The following SUGCT variants were observed in gnomAD, a reference collection of about 807,000 sequenced individuals.
SUGCT encodes the protein succinyl-CoA:glutarate-CoA transferase, also known as succinyl-CoA:glutarate CoA-transferase.
SUGCT carries 41 observed loss-of-function variants against 55.0 expected under a neutral mutation model. That is an observed-to-expected ratio of 0.74 (90% CI 0.58 to 0.97). The LOEUF (loss-of-function observed/expected upper bound fraction) is 0.97. Ranked by LOEUF, SUGCT falls within the 50% of genes least tolerant of loss-of-function variation. The pLI is 0.00. For synonymous variants in SUGCT, 187 were observed against 200.4 expected (o/e 0.93, Z 0.56); for missense variants, 568 against 547.8 (o/e 1.04, Z -0.37).
At chr7:40,285,448 A>T (rs972846586) in intron 8 of SUGCT, among the ~76,000 whole-genome samples, 3 of 150,022 alleles carry the variant, frequency 2.0e-5, no homozygotes, top group African/African-American at 7.4e-5. Flanking sequence ...AGGGAATTTT[A>T]AATTTTATTT....
chr7:40,697,450 C>T (rs1472741766), intron 12 of SUGCT, among the ~76,000 whole-genome samples: 2 of 152,026 alleles, frequency 1.3e-5, no homozygotes, highest in African/African-American at 4.8e-5. Context: ...GCCTGGCCAA[C>T]GTGGTGAAAC....
intron 9 of SUGCT, among the ~76,000 whole-genome samples, chr7:40,376,133 A>AT (rs1784529686): frequency 6.6e-6 from 1 of 152,172 alleles, no homozygotes; most frequent in Non-Finnish European, 1.5e-5. Context: ...GGATTAGTAT[A>AT]TTTTGGATGT....
chr7:40,749,884 A>C (rs993107857), intron 13 of SUGCT, among the ~76,000 whole-genome samples: 1 of 152,196 alleles, frequency 6.6e-6, no homozygotes, highest in Non-Finnish European at 1.5e-5. Flanking sequence ...ATGTAACTGG[A>C]GTCCGAGGAA....
At chr7:40,269,403 A>G (rs1408984119) in intron 7 of SUGCT, among the ~76,000 whole-genome samples, 2 of 152,070 alleles carry the variant, frequency 1.3e-5, no homozygotes, top group Non-Finnish European at 2.9e-5. Context: ...GCTCACTGCA[A>G]CATCCACCTC....
chr7:40,194,612 A>G (rs1263480676), intron 5 of SUGCT, among the ~76,000 whole-genome samples: 5 of 152,234 alleles, frequency 3.3e-5, no homozygotes, highest in Admixed American at 3.3e-4. Context: ...TCATTGATTT[A>G]GTGTACTTAC....
intron 12 of SUGCT, among the ~76,000 whole-genome samples, chr7:40,503,258 CAATTATTCCCAGATT>C (rs1399042021): frequency 6.6e-6 from 1 of 152,076 alleles, no homozygotes; most frequent in Non-Finnish European, 1.5e-5. Context: ...GTTAAGGTAT[CAATTATTCCCAGATT>C]ACTTATCGCT....
intron 13 of SUGCT, among the ~76,000 whole-genome samples, chr7:40,856,933 T>C (rs1439643042): frequency 1.3e-5 from 2 of 152,236 alleles, no homozygotes; most frequent in Admixed American, 6.5e-5. Context: ...TATTTTTACA[T>C]ACATTTCTTA....
intron 9 of SUGCT, among the ~76,000 whole-genome samples, chr7:40,355,934 T>G (rs1032026532): frequency 8.5e-5 from 13 of 152,272 alleles, no homozygotes; most frequent in African/African-American, 2.7e-4. Context: ...CTAGAATTTA[T>G]TAGACTTTTC....
intron 7 of SUGCT, among the ~76,000 whole-genome samples, chr7:40,268,120 T>C (rs1042982520): frequency 3.9e-5 from 6 of 152,258 alleles, no homozygotes; most frequent in African/African-American, 1.2e-4. Context: ...ATTCATATAC[T>C]GTACAACTCA....
At chr7:41,016,255 C>T in the SUGCT span, among the ~76,000 whole-genome samples, 10 of 152,096 alleles carry the variant, frequency 6.6e-5, no homozygotes, top group African/African-American at 1.7e-4. Context: ...TTTATTTTTA[C>T]GTTTGGTAAG....
At chr7:40,997,725 C>T in the SUGCT span, among the ~76,000 whole-genome samples, 1 of 152,322 alleles carries the variant, frequency 6.6e-6, no homozygotes, top group African/African-American at 2.4e-5. Flanking sequence ...CATCTCCTTC[C>T]TAAGCTCTCA....
chr7:40,342,704 G>A (rs547768894), intron 9 of SUGCT, among the ~76,000 whole-genome samples: 35 of 151,408 alleles, frequency 2.3e-4, no homozygotes, highest in Non-Finnish European at 4.0e-4. Flanking sequence ...GTGCAGTGGC[G>A]TGATCTTGAC....
chr7:40,536,161 C>T (rs1032954721), intron 12 of SUGCT, among the ~76,000 whole-genome samples: 2 of 152,072 alleles, frequency 1.3e-5, no homozygotes, highest in Non-Finnish European at 2.9e-5. Context: ...TGTGCAGAAG[C>T]TTTTTAGTTT....
At chr7:40,700,842 G>A (rs1325982470) in intron 12 of SUGCT, among the ~76,000 whole-genome samples, 1 of 152,074 alleles carries the variant, frequency 6.6e-6, no homozygotes, top group African/African-American at 2.4e-5. Flanking sequence ...CTATATTGTG[G>A]GAGTAAGAGG....
chr7:40,414,696 C>G (rs375184735), intron 9 of SUGCT, among the ~76,000 whole-genome samples: 111 of 152,148 alleles, frequency 7.3e-4, no homozygotes, highest in African/African-American at 2.6e-3. Context: ...CACTTGAGAT[C>G]AGGAGTTCGA....
intron 12 of SUGCT, among the ~76,000 whole-genome samples, chr7:40,736,097 C>T (rs1787138734): frequency 6.6e-6 from 1 of 151,306 alleles, no homozygotes; most frequent in African/African-American, 2.4e-5. Context: ...GAGACACACA[C>T]ACACATAGGA....
intron 13 of SUGCT, among the ~76,000 whole-genome samples, chr7:40,768,807 C>T (rs1788939114): frequency 1.3e-5 from 2 of 152,216 alleles, no homozygotes; most frequent in Non-Finnish European, 2.9e-5. Flanking sequence ...AAATACCTAA[C>T]CAGACCTCCA....
chr7:40,333,684 T>A (rs2151155281), intron 9 of SUGCT, among the ~76,000 whole-genome samples: 2 of 119,410 alleles, frequency 1.7e-5, no homozygotes, highest in East Asian at 2.2e-4. Context: ...TATATATATA[T>A]ATATATATAT....
chr7:40,238,654 T>C (rs199795967), intron 7 of SUGCT, among the ~76,000 whole-genome samples: 1 of 47,600 alleles, frequency 2.1e-5, no homozygotes, highest in African/African-American at 1.3e-4. Flanking sequence ...ATTTTACTTA[T>C]TAATTAATTA....
Sources: gnomAD v4.1 joint callset for allele counts (sites outside exome capture counted in the v4.1 genomes callset) on GRCh38, gnomAD v4.1.1 for gene constraint, MANE v1.5 for transcripts, NCBI Gene and HGNC (gene_info 2026-07-23, HGNC 2026-07-21) for gene names.